CTDSPL: variants seen among roughly 807,000 people sequenced by gnomAD.
CTDSPL encodes the protein CTD small phosphatase-like protein.
Under a neutral mutation model 30.5 loss-of-function variants are expected in CTDSPL, and 8 were observed. The ratio of observed to expected loss-of-function variants is 0.26; its 90% confidence interval spans 0.15 to 0.47. The LOEUF (loss-of-function observed/expected upper bound fraction) is 0.47. Ranked by LOEUF, CTDSPL falls within the 20% of genes least tolerant of loss-of-function variation. The pLI is 0.99. For missense variants in CTDSPL, 248 were observed against 366.1 expected, an observed-to-expected ratio of 0.68 and a Z score of 2.63; for synonymous variants, 110 against 137.9, an observed-to-expected ratio of 0.80 and a Z score of 1.42.
At chr3:37,915,799 C>A (rs964120978) in intron 1 of CTDSPL, among the ~76,000 whole-genome samples, 2 of 152,096 alleles carry the variant, frequency 1.3e-5, no homozygotes, top group Admixed American at 6.6e-5. Flanking sequence ...ATAATACATT[C>A]ATCTTGTCTT....
chr3:37,942,097 T>C (rs1355045789), intron 1 of CTDSPL, among the ~76,000 whole-genome samples: 2 of 150,100 alleles, frequency 1.3e-5, no homozygotes. Flanking sequence ...ACCCCTCCCT[T>C]TTCCTTCCCC....
At chr3:37,872,040 G>A (rs751434696) in intron 1 of CTDSPL, among the ~76,000 whole-genome samples, 43 of 152,258 alleles carry the variant, frequency 2.8e-4, no homozygotes, top group Non-Finnish European at 5.4e-4. Flanking sequence ...AGGCTAGAGC[G>A]GAGTGCAGTG....
At chr3:37,976,450 G>A (rs1219530634) in intron 7 of CTDSPL, among the ~76,000 whole-genome samples, 1 of 151,972 alleles carries the variant, frequency 6.6e-6, no homozygotes, top group Non-Finnish European at 1.5e-5. Flanking sequence ...TGGCCAACAT[G>A]GTAAAACCCT....
At chr3:37,915,668 T>G (rs1698637592) in intron 1 of CTDSPL, among the ~76,000 whole-genome samples, 1 of 152,238 alleles carries the variant, frequency 6.6e-6, no homozygotes, top group Non-Finnish European at 1.5e-5. Flanking sequence ...ACTTCAATTT[T>G]ATCTTTTACC....
intron 3 of CTDSPL, among the ~76,000 whole-genome samples, chr3:37,960,502 A>AT (rs1559645112): frequency 1.4e-4 from 8 of 56,054 alleles, no homozygotes; most frequent in African/African-American, 6.6e-4. Context: ...AAAAAAAAAA[A>AT]AAAATATATA....
At chr3:37,968,263 G>A (rs551690275) in intron 5 of CTDSPL, 9 of 457,690 alleles carry the variant, frequency 2.0e-5, no homozygotes, top group South Asian at 3.1e-5. Context: ...GTGGACTCTC[G>A]GGAAAAAGTG....
intron 5 of CTDSPL, among the ~76,000 whole-genome samples, chr3:37,968,677 A>G (rs1171442446): frequency 1.3e-5 from 2 of 152,176 alleles, no homozygotes; most frequent in Non-Finnish European, 2.9e-5. Flanking sequence ...CTTGAGCCAC[A>G]ACGGGATGTC....
rs1699509396 is a variant in CTDSPL, at chr3:37,982,940, CA to C, written c.*2074del. 1 of 201,336 alleles carries C rather than the reference CA, an allele frequency of 5.0e-6. No homozygotes were observed. Among genetic ancestry groups the C allele is most frequent in the Non-Finnish European group, 1.1e-5 (1 of 95,160 alleles). The allele number at this position is 201,336 out of a possible 1,614,324, so 12.5% of individuals were successfully genotyped here. A position where few individuals can be genotyped will look rare whatever the true frequency, so the allele number is the denominator to read the frequency against. On this transcript the variant is annotated 3_prime_UTR_variant, in exon 8 of 8. Transcript: ENST00000273179. Reference sequence around the variant, plus strand: ...AACCATGCCCCCTTCGTTGGCATCACAGGGCCTTATTTGGAAGAGCGGGCAA... The same window carrying C: ...AACCATGCCCCCTTCGTTGGCATCACGGGCCTTATTTGGAAGAGCGGGCAA...
intron 1 of CTDSPL, among the ~76,000 whole-genome samples, chr3:37,921,997 G>T (rs1243208722): frequency 6.6e-6 from 1 of 152,158 alleles, no homozygotes; most frequent in Non-Finnish European, 1.5e-5. Flanking sequence ...ACTTTGGGAG[G>T]CCGAGGCAGA....
At chr3:37,976,372 T>A (rs1361047235) in intron 7 of CTDSPL, among the ~76,000 whole-genome samples, 2 of 152,100 alleles carry the variant, frequency 1.3e-5, no homozygotes, top group Non-Finnish European at 2.9e-5. Context: ...GTGTGGTGGC[T>A]CACACCTGTA....
rs1698960809 is a variant in CTDSPL at position 37,940,078 on chromosome 3, C to T, written c.80-6979C>T. Reference sequence around the variant, plus strand: ...CTGTACTCTAGCCTGGGTGACAGAGCAAGACTCCGTCTCAAAAAAAAAAGC... The same window carrying T: ...CTGTACTCTAGCCTGGGTGACAGAGTAAGACTCCGTCTCAAAAAAAAAAGC... On this transcript the variant is annotated intron_variant, in intron 1 of 7. Coordinates refer to ENST00000273179, the MANE Select transcript of CTDSPL (RefSeq NM_001008392.2). Among the ~76,000 whole-genome samples, 4 of 149,686 alleles carry T rather than the reference C, an allele frequency of 2.7e-5. No homozygotes were observed. In the South Asian group the frequency reaches 8.7e-4, roughly 32 times the overall value.
chr3:37,870,196 G>T (rs1273601218), intron 1 of CTDSPL, among the ~76,000 whole-genome samples: 1 of 151,968 alleles, frequency 6.6e-6, no homozygotes, highest in African/African-American at 2.4e-5. Flanking sequence ...AGGGATGGGG[G>T]TTGGGGGGAA....
In CTDSPL at chr3:37,894,292, C is replaced by T. The variant is rs934965821; in HGVS notation, c.79+32014C>T. Among the ~76,000 whole-genome samples the T allele has an allele frequency of 6.6e-5, 10 of 151,680 alleles. No individual in the cohort carries two copies. In the South Asian group the frequency reaches 1.2e-3, roughly 19 times the overall value. On this transcript the variant is annotated intron_variant, in intron 1 of 7. Transcript: ENST00000273179. ...TTTTTTTTTGTAGAGACGAGAGTCT[C>T]GCTAGAGTCTCGCTATATTGCCCAG...
chr3:37,862,290 C>T lies in CTDSPL; in HGVS notation c.79+12C>T, dbSNP rs1166972563. 3 of 1,483,610 alleles carry T rather than the reference C, an allele frequency of 2.0e-6. No individual in the cohort carries two copies. The highest frequency in any genetic ancestry group is 1.3e-5 in the South Asian group (1 of 77,836). The allele number at this position is 1,483,610 out of a possible 1,614,324, so 91.9% of individuals were successfully genotyped here. A position where few individuals can be genotyped will look rare whatever the true frequency, so the allele number is the denominator to read the frequency against. On this transcript the variant is annotated intron_variant, in intron 1 of 7. Transcript: ENST00000273179. This position sits in a 1 kb window ranked among gnomAD's most constrained non-coding sequence, Gnocchi z 4.3. Reference sequence around the variant, plus strand: ...CGCGGGCGAGAAAGGTGAGGAGGGGCGCAGGCGGCCGCGGGCTGGGGGCGA... The same window carrying T: ...CGCGGGCGAGAAAGGTGAGGAGGGGTGCAGGCGGCCGCGGGCTGGGGGCGA...
chr3:37,923,791 CTGTT>C (rs1269963585), intron 1 of CTDSPL, among the ~76,000 whole-genome samples: 1 of 150,778 alleles, frequency 6.6e-6, no homozygotes, highest in East Asian at 1.9e-4. Context: ...TTGCTTTTCT[CTGTT>C]TTTTTTTTTT....
rs997249716 is a variant in CTDSPL, at chr3:37,983,415, G to A, written c.*2548G>A. 1 of 152,424 alleles carries A rather than the reference G, an allele frequency of 6.6e-6. No individual in the cohort carries two copies. The highest frequency in any genetic ancestry group is 2.4e-5 in the African/African-American group (1 of 41,350). 9.4% of individuals were successfully genotyped at this position (152,424 alleles called of 1,614,324 possible). On this transcript the variant is annotated 3_prime_UTR_variant, in exon 8 of 8. Transcript: ENST00000273179. The stretch of plus-strand genomic sequence containing the variant: ...GGTTTATGTTTTTTAAGGTAAATAC[G>A]GGTATTGTTTTTAATTATTACCATG...
chr3:37,961,454 C>T (rs1005686581), intron 3 of CTDSPL, among the ~76,000 whole-genome samples: 2 of 152,106 alleles, frequency 1.3e-5, no homozygotes, highest in African/African-American at 2.4e-5. Flanking sequence ...TGAGTCCTAC[C>T]GATCCCATAC....
chr3:37,967,938 T>G (rs1699318038), intron 5 of CTDSPL, 56 bp downstream of exon 5: 3 of 1,145,858 alleles, frequency 2.6e-6, no homozygotes, highest in Non-Finnish European at 3.8e-6. Context: ...TACTTACATT[T>G]CCTATGAACT....
intron 3 of CTDSPL, among the ~76,000 whole-genome samples, chr3:37,960,642 A>AT (rs1360341082): frequency 4.7e-5 from 7 of 147,746 alleles, no homozygotes; most frequent in African/African-American, 1.7e-4. Context: ...AGGCAGGAGA[A>AT]TCACGTGAAC....
Sources: allele counts gnomAD v4.1 joint callset (sites outside exome capture counted in the v4.1 genomes callset), GRCh38; gene constraint gnomAD v4.1.1; non-coding constraint Gnocchi (gnomAD v3.1); transcripts MANE v1.5; gene names NCBI Gene and HGNC (gene_info 2026-07-23, HGNC 2026-07-21).